The following ARNT variants were observed in gnomAD, a reference collection of about 807,000 sequenced individuals.
The protein encoded by ARNT is class E basic helix-loop-helix protein 2.
In ARNT, 30 loss-of-function variants were observed where a neutral mutation model predicts 105.0. The ratio of observed to expected loss-of-function variants is 0.29; its 90% CI spans 0.21 to 0.39. ARNT has a LOEUF of 0.39. ARNT is among the 10% of genes least tolerant of loss of function. The pLI, the probability that ARNT is intolerant of heterozygous loss-of-function variation, is 1.00. For missense variants in ARNT, 748 were observed against 978.7 expected (o/e 0.76, Z 3.15); for synonymous variants, 304 against 344.0 (o/e 0.88, Z 1.29).
chr1:150,827,425 T>C (rs1384031146), intron 12 of ARNT, among the ~76,000 whole-genome samples: 1 of 152,202 alleles, frequency 6.6e-6, no homozygotes, highest in African/African-American at 2.4e-5. Context: ...TAAAACAACA[T>C]AATATGTGGT....
intron 11 of ARNT, chr1:150,829,691 A>G: frequency 1.7e-6 from 1 of 602,904 alleles, no homozygotes; most frequent in East Asian, 2.8e-5. Flanking sequence ...AAATTAAGAC[A>G]AGGGGAAAAA....
In ARNT at chr1:150,810,243, A is replaced by T; in HGVS notation, c.*1778T>A. 1 of 233,232 alleles carries T rather than the reference A, an allele frequency of 4.3e-6. No individual in the cohort carries two copies. The highest frequency in any genetic ancestry group is 8.5e-6 in the Non-Finnish European group (1 of 117,686). The allele number at this position is 233,232 out of a possible 1,614,324, so 14.4% of individuals were successfully genotyped here. A position where few individuals can be genotyped will look rare whatever the true frequency, so the allele number is the denominator to read the frequency against. On this transcript the variant is annotated 3_prime_UTR_variant, in exon 22 of 22. Coordinates refer to ENST00000358595, the MANE Select transcript of ARNT (RefSeq NM_001668.4). Reference sequence around the variant, plus strand: ...AAATAAAACCCTGAAGGAAAAGCAAAAACAAAACCCCCAGAGCATCTTCTC... The same window carrying T: ...AAATAAAACCCTGAAGGAAAAGCAATAACAAAACCCCCAGAGCATCTTCTC...
Position 150,836,636 on chromosome 1 carries a change from T to C in ARNT, c.487-143A>G, listed in dbSNP as rs1427910008. The C allele has an allele frequency of 1.6e-5, 13 of 796,486 alleles. 1 individual carries two copies. Among genetic ancestry groups the C allele is most frequent in the Non-Finnish European group, 2.5e-5 (13 of 517,330 alleles). 49.3% of individuals were successfully genotyped at this position (796,486 alleles called of 1,614,324 possible). On this transcript the variant is annotated intron_variant, in intron 6 of 21. Transcript: ENST00000358595. ...TTCACACCTGATCCACAGCCACAGG[T>C]TTCCACCCTAAATGTAGTTCATCGA...
In ARNT at chr1:150,856,371, T is replaced by G. The variant is rs587728733; in HGVS notation, c.137+1978A>C. 1.7e-4 allele frequency among the ~76,000 whole-genome samples: 25 copies of G among 150,984 alleles called. No individual in the cohort carries two copies. In the East Asian group the frequency reaches 4.9e-3, roughly 29 times the overall value. The stretch of plus-strand genomic sequence containing the variant: ...AGGAGAATGGCGTGAACCTGGGAGG[T>G]GGAGGTTACAGTGAGCTGAGATCAC... On this transcript the variant is annotated intron_variant, in intron 2 of 21. Coordinates refer to ENST00000358595, the MANE Select transcript of ARNT (RefSeq NM_001668.4).
intron 1 of ARNT, among the ~76,000 whole-genome samples, chr1:150,859,019 T>C (rs1264262839): frequency 6.6e-6 from 1 of 151,998 alleles, no homozygotes; most frequent in Non-Finnish European, 1.5e-5. Context: ...GCAAACTTCA[T>C]GTTAAAAAGC....
rs1038728525 is a variant in ARNT at position 150,823,355 on chromosome 1, T to G, written c.1243-10A>C. 1 of 1,583,560 alleles carries G rather than the reference T, an allele frequency of 6.3e-7. No individual in the cohort carries two copies. Among genetic ancestry groups the G allele is most frequent in the Non-Finnish European group, 8.6e-7 (1 of 1,162,122 alleles). On this transcript the variant is annotated splice_polypyrimidine_tract_variant and intron_variant, in intron 13 of 21. Coordinates refer to ENST00000358595, the MANE Select transcript of ARNT (RefSeq NM_001668.4). ...CTTTTAATTTCACTACCTGAAAAAG[T>G]TTTCATGCCATCAGTGGAACTCATA...
At chr1:150,837,802 A>G (rs1660585256) in intron 6 of ARNT, among the ~76,000 whole-genome samples, 1 of 152,142 alleles carries the variant, frequency 6.6e-6, no homozygotes, top group Non-Finnish European at 1.5e-5. Context: ...ATATTTATAA[A>G]TATTCTACCA....
Position 150,829,196 on chromosome 1 carries a change from C to A in ARNT, c.1064G>T (p.Ser355Ile). The change falls in exon 12 of 22, where the codon AGT becomes ATT. Residue 355 changes from serine to isoleucine, a missense_variant. This residue lies in a region of ARNT where 291 missense variants were observed against 444.6 expected (regional missense o/e 0.65). Coordinates refer to ENST00000358595, the MANE Select transcript of ARNT (RefSeq NM_001668.4). ...VTSSPNCTDM[S>I]NVCQPTEFIS... ...GAACTCTGTTGGTTGACAAACATTA[C>A]TCATGTCTGTACAGTTGGGAGAACT... The A allele has an allele frequency of 7.4e-6, 12 of 1,613,996 alleles. No individual in the cohort carries two copies. The highest frequency in any genetic ancestry group is 2.2e-5 in the East Asian group (1 of 44,888).
intron 14 of ARNT, among the ~76,000 whole-genome samples, chr1:150,821,510 T>C (rs1657056930): frequency 6.6e-6 from 1 of 152,220 alleles, no homozygotes; most frequent in Non-Finnish European, 1.5e-5. Flanking sequence ...TACCAAATTA[T>C]TACAACAGTA....
At chr1:150,848,407 G>A (rs1022161609) in intron 3 of ARNT, among the ~76,000 whole-genome samples, 3 of 151,030 alleles carry the variant, frequency 2.0e-5, no homozygotes, top group African/African-American at 7.3e-5. Context: ...AATGAGCAGA[G>A]ATCGAACCAC....
chr1:150,864,448 T>G (rs1353597002), intron 1 of ARNT, among the ~76,000 whole-genome samples: 2 of 151,972 alleles, frequency 1.3e-5, no homozygotes, highest in Non-Finnish European at 2.9e-5. Context: ...AATGATGAGT[T>G]CATGTCCTTT....
chr1:150,830,326 A>T (rs587651665), intron 10 of ARNT: 19 of 187,114 alleles, frequency 1.0e-4, no homozygotes, highest in African/African-American at 4.5e-4. Context: ...AGCCTGGGCG[A>T]CAGACAGAGT....
chr1:150,842,574 G>A (rs1413025069), intron 4 of ARNT, 106 bp from the exon 5 acceptor site: 5 of 877,470 alleles, frequency 5.7e-6, no homozygotes, highest in South Asian at 1.7e-5. Context: ...AGGAAATGGA[G>A]GGAGAAAAAA....
At chr1:150,848,066 G>A (rs1662587239) in intron 3 of ARNT, among the ~76,000 whole-genome samples, 1 of 152,130 alleles carries the variant, frequency 6.6e-6, no homozygotes, top group Admixed American at 6.5e-5. Flanking sequence ...AAAAACTGAG[G>A]AGATAAGTGT....
chr1:150,875,278 T>A (rs1006323521), intron 1 of ARNT, among the ~76,000 whole-genome samples: 4 of 151,010 alleles, frequency 2.6e-5, no homozygotes, highest in Admixed American at 6.6e-5. Context: ...TTTAAAAGAT[T>A]AAAAAAAAAT....
Position 150,816,278 on chromosome 1 carries a change from C to T in ARNT, c.1931G>A (p.Arg644His), listed in dbSNP as rs753587106. The stretch of plus-strand genomic sequence containing the variant: ...TTTTACCTGGGCAGAAAAGCCTGAG[C>T]GGGTAGTAGGGGTCCAAGTTGGGGT... ...GATPTWTPTTRSGFSAQQVAT... is the reference protein window; with the variant it reads ...GATPTWTPTTHSGFSAQQVAT... The change falls in exon 19 of 22, where the codon CGC becomes CAC. Residue 644 changes from arginine (R) to histidine (H), a missense_variant. Physicochemically the swap from Arg to His is conservative, Grantham distance 29 (BLOSUM62 0). This residue lies in a region of ARNT where 360 missense variants were observed against 411.9 expected (regional missense o/e 0.87). Transcript: ENST00000358595. 32 of 1,601,820 alleles carry T rather than the reference C, an allele frequency of 2.0e-5. No individual in the cohort carries two copies. Among genetic ancestry groups the T allele is most frequent in the African/African-American group, 5.4e-5 (4 of 73,830 alleles).
At chr1:150,823,114 C>G (rs925552817) in intron 14 of ARNT, 80 bp downstream of exon 14, 1 of 1,340,282 alleles carries the variant, frequency 7.5e-7, no homozygotes, top group South Asian at 2.1e-5. Flanking sequence ...TTGTTTACCC[C>G]CCACATAGGG....
chr1:150,852,905 A>C (rs1387840616), intron 2 of ARNT, 99 bp from the exon 3 acceptor site: 10 of 1,373,886 alleles, frequency 7.3e-6, no homozygotes, highest in Non-Finnish European at 9.2e-6. Flanking sequence ...ACCCACCCAA[A>C]TGGAAGAATG....
Position 150,836,452 on chromosome 1 carries a change from C to T in ARNT, c.528G>A (p.Leu176=), listed in dbSNP as rs1660339657. The change falls in exon 7 of 22, where the codon CTG becomes CTA. Residue 176 remains leucine, a synonymous_variant. Coordinates refer to ENST00000358595, the MANE Select transcript of ARNT (RefSeq NM_001668.4). ...TGCCTGTCTCACATGAGACAATAAA[C>T]AGAAAGCCATCTGCTGCCTCCAAGA... ...HLILEAADGF[L]FIVSCETGRV... is the part of the protein sequence containing the mutation. 1 of 1,614,140 alleles carries T rather than the reference C, an allele frequency of 6.2e-7. No homozygotes were observed. The highest frequency in any genetic ancestry group is 8.5e-7 in the Non-Finnish European group (1 of 1,180,018).
Sources: allele counts gnomAD v4.1 joint callset (sites outside exome capture counted in the v4.1 genomes callset), GRCh38; gene constraint gnomAD v4.1.1; regional missense constraint gnomAD v4.1.1; transcripts MANE v1.5; gene names NCBI Gene and HGNC (gene_info 2026-07-23, HGNC 2026-07-21).